MTSS1: variants seen among roughly 807,000 people sequenced by gnomAD.
MTSS1 encodes the protein protein MTSS 1.
MTSS1 carries 18 observed loss-of-function variants against 79.0 expected under a neutral mutation model. That is an observed-to-expected ratio of 0.23 (90% CI 0.16 to 0.34). The LOEUF (loss-of-function observed/expected upper bound fraction) is 0.34, where lower values mean the gene tolerates loss of function less well. MTSS1 is among the 10% of genes least tolerant of loss of function. MTSS1 has a pLI of 1.00. For missense variants in MTSS1, 815 were observed against 986.2 expected (o/e 0.83, Z 2.33); for synonymous variants, 341 against 368.6 (o/e 0.93, Z 0.86).
chr8:124,632,373 G>C (rs1461922913), intron 3 of MTSS1, among the ~76,000 whole-genome samples: 1 of 151,772 alleles, frequency 6.6e-6, no homozygotes, highest in African/African-American at 2.4e-5. Flanking sequence ...ATGAGGCTGG[G>C]CATGGTGGCT....
At chr8:124,712,280 A>C (rs1393971603) in intron 1 of MTSS1, among the ~76,000 whole-genome samples, 1 of 152,198 alleles carries the variant, frequency 6.6e-6, no homozygotes, top group African/African-American at 2.4e-5. Context: ...AGACCTCAGC[A>C]GGGCGAGTGT....
chr8:124,555,959 C>T (rs1447846168), intron 12 of MTSS1, 55 bp from the exon 13 acceptor site: 1 of 1,589,784 alleles, frequency 6.3e-7, no homozygotes, highest in Non-Finnish European at 8.5e-7. Context: ...GGCTCAACAG[C>T]ACTCCTGTTC....
intron 7 of MTSS1, 62 bp from the exon 8 acceptor site, chr8:124,567,240 C>T (rs932087445): frequency 9.6e-6 from 13 of 1,355,772 alleles, no homozygotes; most frequent in African/African-American, 1.4e-5. Flanking sequence ...TCGCTCTAGT[C>T]CAATTGTTTT....
In MTSS1 at chr8:124,672,322, C is replaced by T. The variant is rs986559751; in HGVS notation, c.208+27204G>A. ...CAGCCTGCCCAACATTGTGAAACCC[C>T]ATCTCTACCAAAAATACAAAAATTA... On this transcript the variant is annotated intron_variant, in intron 3 of 13. Transcript: ENST00000518547. Among the ~76,000 whole-genome samples the T allele has an allele frequency of 6.6e-5, 10 of 152,202 alleles. No homozygotes were observed. In the East Asian group the frequency reaches 1.7e-3, roughly 26 times the overall value.
At chr8:124,645,670 A>C (rs1268149239) in intron 3 of MTSS1, among the ~76,000 whole-genome samples, 1 of 152,000 alleles carries the variant, frequency 6.6e-6, no homozygotes, top group Non-Finnish European at 1.5e-5. Context: ...TTCTCGGTTG[A>C]CGCTCAGCAT....
chr8:124,566,980 T>A (rs1352288489), intron 8 of MTSS1, 91 bp downstream of exon 8: 1 of 972,320 alleles, frequency 1.0e-6, no homozygotes, highest in Admixed American at 2.2e-5. Context: ...GACTACAATT[T>A]AAGACGTGAC....
chr8:124,591,021 A>G, intron 4 of MTSS1, 130 bp downstream of exon 4: 1 of 786,214 alleles, frequency 1.3e-6, no homozygotes, highest in South Asian at 1.6e-5. Flanking sequence ...ATGCCTAACA[A>G]TACTCAGGCA....
chr8:124,622,060 A>AAGAGAGAGAGAGAGAGAGAGAGAGAG (rs55869660), intron 3 of MTSS1, among the ~76,000 whole-genome samples: 1 of 110,054 alleles, frequency 9.1e-6, no homozygotes, highest in African/African-American at 4.2e-5. Context: ...CAGAAAGAGA[A>AAGAGAGAGAGAGAGAGAGAGAGAGAG]AGAGAGAGAG....
Position 124,728,462 on chromosome 8 carries a change from G to C in MTSS1, c.-507C>G, listed in dbSNP as rs961757467. 3 of 151,490 alleles carry C rather than the reference G, an allele frequency of 2.0e-5. No homozygotes were observed. Among genetic ancestry groups the C allele is most frequent in the Non-Finnish European group, 4.4e-5 (3 of 67,864 alleles). 9.4% of individuals were successfully genotyped at this position (151,490 alleles called of 1,614,324 possible). On this transcript the variant is annotated 5_prime_UTR_variant, in exon 1 of 14. Coordinates refer to ENST00000518547, the MANE Select transcript of MTSS1 (RefSeq NM_014751.6). This position sits in a 1 kb window ranked among gnomAD's most constrained non-coding sequence, Gnocchi z 6.1. ...TTTTCACTCCTGCGCGCCCGGCCCC[G>C]GCGCTCGCTCTGGCTGGGCTCCCGG...
intron 3 of MTSS1, among the ~76,000 whole-genome samples, chr8:124,646,822 TTCTC>T (rs142251173): frequency 2.6e-5 from 4 of 150,954 alleles, no homozygotes; most frequent in South Asian, 2.1e-4. Flanking sequence ...CATTACATCT[TTCTC>T]TCTCTCTCTC....
At chr8:124,634,771 A>T (rs1816684907) in intron 3 of MTSS1, among the ~76,000 whole-genome samples, 1 of 151,968 alleles carries the variant, frequency 6.6e-6, no homozygotes, top group Non-Finnish European at 1.5e-5. Flanking sequence ...TCCCTGAATC[A>T]GCAGCAGCAG....
Position 124,589,723 on chromosome 8 carries a change from C to G in MTSS1, c.294-12G>C, listed in dbSNP as rs74948302. 14 of 1,575,124 alleles carry G rather than the reference C, an allele frequency of 8.9e-6. No homozygotes were observed. Among genetic ancestry groups the G allele is most frequent in the Non-Finnish European group, 1.1e-5 (13 of 1,151,862 alleles). Reference sequence around the variant, plus strand: ...AATCAATTAAAGCGCTTTTACCAAGCGGGGGGGAAAAAGGGAGAAATTAAA... The same window carrying G: ...AATCAATTAAAGCGCTTTTACCAAGGGGGGGGGAAAAAGGGAGAAATTAAA... On this transcript the variant is annotated splice_polypyrimidine_tract_variant and intron_variant, in intron 4 of 13. Transcript: ENST00000518547.
At chr8:124,701,540 C>T (rs1484173750) in intron 2 of MTSS1, among the ~76,000 whole-genome samples, 1 of 152,170 alleles carries the variant, frequency 6.6e-6, no homozygotes, top group African/African-American at 2.4e-5. Context: ...CTTTATCAAA[C>T]TTCTTGGGAC....
At chr8:124,616,371 TAAAAAAAAAAAAA>T (rs68110053) in intron 3 of MTSS1, among the ~76,000 whole-genome samples, 1 of 119,610 alleles carries the variant, frequency 8.4e-6, no homozygotes, top group Non-Finnish European at 1.7e-5. Flanking sequence ...TTTCAGGCAG[TAAAAAAAAAAAAA>T]AAAAAAAAAA....
At chr8:124,705,886 G>A (rs778851242) in intron 1 of MTSS1, among the ~76,000 whole-genome samples, 8 of 152,178 alleles carry the variant, frequency 5.3e-5, no homozygotes, top group Non-Finnish European at 1.0e-4. Flanking sequence ...AGATGCCAGC[G>A]TTCCCCCACC....
At chr8:124,621,098 C>T (rs1813411316) in intron 3 of MTSS1, among the ~76,000 whole-genome samples, 1 of 152,158 alleles carries the variant, frequency 6.6e-6, no homozygotes, top group Non-Finnish European at 1.5e-5. Flanking sequence ...TTCCTTCCCA[C>T]GCATCCCACT....
intron 10 of MTSS1, among the ~76,000 whole-genome samples, chr8:124,560,373 T>C (rs1449703027): frequency 6.6e-6 from 1 of 151,760 alleles, no homozygotes; most frequent in East Asian, 1.9e-4. Context: ...ATAAAAAATG[T>C]AAAAGAGGAA....
At chr8:124,671,514 G>A (rs574279324) in intron 3 of MTSS1, among the ~76,000 whole-genome samples, 18 of 152,238 alleles carry the variant, frequency 1.2e-4, no homozygotes, top group South Asian at 1.0e-3. Context: ...ATTGCATGGC[G>A]TGCACAGCAA....
At position 124,555,847 on chromosome 8, in the gene MTSS1, G is replaced by T; in HGVS notation, c.1462C>A (p.Gln488Lys). ...ELALALSRGL[Q>K]LDTQRSSRDS... ...CGGCTGCTCCTCTGGGTGTCCAGCT[G>T]CAGGCCCCGAGACAGGGCCAGGGCC... Residue 488 changes from glutamine (Q) to lysine (K), a missense_variant, in exon 13 of 14, where the codon CAG becomes AAG. Coordinates refer to ENST00000518547, the MANE Select transcript of MTSS1 (RefSeq NM_014751.6). 6.2e-7 allele frequency: 1 copy of T among 1,612,948 alleles called. No individual in the cohort carries two copies. The highest frequency in any genetic ancestry group is 8.5e-7 in the Non-Finnish European group (1 of 1,179,964).
Sources: allele counts gnomAD v4.1 joint callset (sites outside exome capture counted in the v4.1 genomes callset), GRCh38; gene constraint gnomAD v4.1.1; non-coding constraint Gnocchi (gnomAD v3.1); transcripts MANE v1.5; gene names NCBI Gene and HGNC (gene_info 2026-07-23, HGNC 2026-07-21).